PTPN11: variants seen among roughly 807,000 people sequenced by gnomAD.
The protein encoded by PTPN11 is protein tyrosine phosphatase non-receptor type 11.
PTPN11 carries 6 observed loss-of-function variants against 78.8 expected under a neutral mutation model. That is an observed-to-expected ratio of 0.08 (90% CI 0.04 to 0.15). The LOEUF is 0.15. Among genes scored for constraint, PTPN11 ranks in the 10% least tolerant of loss-of-function variants. The pLI is 1.00. For missense variants in PTPN11, 386 were observed against 744.8 expected, an observed-to-expected ratio of 0.52 and a Z score of 5.61; for synonymous variants, 221 against 263.5, an observed-to-expected ratio of 0.84 and a Z score of 1.56.
chr12:112,485,136 C>A (rs2038653852), intron 10 of PTPN11, among the ~76,000 whole-genome samples: 1 of 152,008 alleles, frequency 6.6e-6, no homozygotes, highest in Non-Finnish European at 1.5e-5. Context: ...GTAGTCCCAG[C>A]TACTCGGGAG....
rs1337770274 is a variant in PTPN11 at position 112,445,131 on chromosome 12, GTATTAT to G, written c.15-1137_15-1132del. The stretch of plus-strand genomic sequence containing the variant: ...CACATACCCCGAAGCATGTATTTCT[GTATTAT>G]TATTATTTTTTTGAGATGGAGTCTT... On this transcript the variant is annotated intron_variant, in intron 1 of 15. Coordinates refer to ENST00000351677, the MANE Select transcript of PTPN11 (RefSeq NM_002834.5). Among the ~76,000 whole-genome samples, 5 of 151,914 alleles carry G rather than the reference GTATTAT, an allele frequency of 3.3e-5. No homozygotes were observed. In the East Asian group the frequency reaches 5.8e-4, roughly 18 times the overall value.
intron 13 of PTPN11, among the ~76,000 whole-genome samples, chr12:112,492,880 T>C (rs185713263): frequency 1.3e-5 from 2 of 152,310 alleles, no homozygotes; most frequent in African/African-American, 4.8e-5. Context: ...GAAAAAATTA[T>C]TACTGTGGTA....
At chr12:112,476,474 C>T (rs1301330485) in intron 7 of PTPN11, among the ~76,000 whole-genome samples, 1 of 152,106 alleles carries the variant, frequency 6.6e-6, no homozygotes, top group Non-Finnish European at 1.5e-5. Flanking sequence ...TTATGCTTCA[C>T]TAAAAAATAC....
At chr12:112,500,511 T>A (rs1048260115) in intron 13 of PTPN11, among the ~76,000 whole-genome samples, 3 of 152,360 alleles carry the variant, frequency 2.0e-5, no homozygotes. Context: ...CCCTACACTA[T>A]AAGTTCTTAC....
intron 1 of PTPN11, among the ~76,000 whole-genome samples, chr12:112,436,371 T>G (rs1246353614): frequency 1.3e-5 from 2 of 152,188 alleles, no homozygotes; most frequent in Non-Finnish European, 2.9e-5. Context: ...AATTCTCATT[T>G]CCTATGAGGT....
chr12:112,449,420 T>C (rs1448439125), intron 2 of PTPN11, among the ~76,000 whole-genome samples: 1 of 151,644 alleles, frequency 6.6e-6, no homozygotes. Context: ...GGCAGGAGAA[T>C]GGTGTGAACC....
chr12:112,447,468 T>A (rs929843715), intron 2 of PTPN11, among the ~76,000 whole-genome samples: 16 of 151,986 alleles, frequency 1.1e-4, no homozygotes, highest in African/African-American at 3.9e-4. Context: ...AACTTAAAAA[T>A]TTTTTTTTGA....
At chr12:112,472,499 A>G (rs2038433727) in intron 6 of PTPN11, among the ~76,000 whole-genome samples, 1 of 147,644 alleles carries the variant, frequency 6.8e-6, no homozygotes, top group African/African-American at 2.5e-5. Flanking sequence ...TATTTTCAGC[A>G]TTTCTCCACA....
chr12:112,424,956 TTGTGTG>T (rs34463047), intron 1 of PTPN11, among the ~76,000 whole-genome samples: 6,018 of 88,014 alleles, frequency 0.068, 140 homozygotes, highest in East Asian at 0.19. Context: ...GTCAGGCTAA[TTGTGTG>T]TGTGTGTGTG....
intron 13 of PTPN11, among the ~76,000 whole-genome samples, chr12:112,497,959 C>T (rs1034901653): frequency 6.6e-6 from 1 of 152,012 alleles, no homozygotes; most frequent in Non-Finnish European, 1.5e-5. Context: ...TTGAGACTAG[C>T]CTGGGCAACA....
At chr12:112,446,007 G>A (rs1213249322) in intron 1 of PTPN11, among the ~76,000 whole-genome samples, 1 of 151,978 alleles carries the variant, frequency 6.6e-6, no homozygotes, top group Admixed American at 6.6e-5. Context: ...CTTGGGCCTG[G>A]CCCCCTCAGT....
At chr12:112,489,940 C>G (rs560524182) in intron 13 of PTPN11, among the ~76,000 whole-genome samples, 1 of 152,144 alleles carries the variant, frequency 6.6e-6, no homozygotes, top group African/African-American at 2.4e-5. Context: ...AGATTTCTAG[C>G]CTAGCAGAAC....
In PTPN11 at chr12:112,504,090, A is replaced by G. The variant is rs1266968717; in HGVS notation, c.1713-605A>G. Among the ~76,000 whole-genome samples the G allele has an allele frequency of 6.6e-6, 1 of 152,176 alleles. No homozygotes were observed. Among genetic ancestry groups the G allele is most frequent in the African/African-American group, 2.4e-5 (1 of 41,446 alleles). On this transcript the variant is annotated intron_variant, in intron 14 of 15. Coordinates refer to ENST00000351677, the MANE Select transcript of PTPN11 (RefSeq NM_002834.5). The surrounding 1 kb of genome is among the most constrained non-coding windows in gnomAD (Gnocchi z 4.7). ...GATTTCATTCTATGTGTGCATTTCC[A>G]ACCTTTCTTCACAGTGCGATCCAAA...
At chr12:112,472,874 C>A (rs2038440480) in intron 6 of PTPN11, 70 bp from the exon 7 acceptor site, 2 of 1,189,820 alleles carry the variant, frequency 1.7e-6, no homozygotes, top group Non-Finnish European at 2.5e-6. Context: ...AGAAGTAATG[C>A]TGATCCAGGC....
chr12:112,460,025 G>A (rs1261573525), intron 6 of PTPN11, among the ~76,000 whole-genome samples: 1 of 151,610 alleles, frequency 6.6e-6, no homozygotes, highest in Non-Finnish European at 1.5e-5. Context: ...TCAGCTCACT[G>A]CAACCTCCAC....
chr12:112,432,695 T>C (rs1594132543), intron 1 of PTPN11, among the ~76,000 whole-genome samples: 2 of 149,794 alleles, frequency 1.3e-5, no homozygotes, highest in African/African-American at 4.9e-5. Flanking sequence ...AAGAATATTA[T>C]GGGCCCAGCC....
At chr12:112,484,036 T>C (rs1409753454) in intron 10 of PTPN11, among the ~76,000 whole-genome samples, 6 of 150,470 alleles carry the variant, frequency 4.0e-5, no homozygotes, top group Non-Finnish European at 5.9e-5. Flanking sequence ...TTTTGCTCGA[T>C]AGAGGGACAT....
Position 112,482,346 on chromosome 12 carries a change from T to C in PTPN11, c.1224+141T>C. 1.0e-6 allele frequency: 1 copy of C among 989,480 alleles called. No homozygotes were observed. 61.3% of individuals were successfully genotyped at this position (989,480 alleles called of 1,614,324 possible). A position where few individuals can be genotyped will look rare whatever the true frequency, so the allele number is the denominator to read the frequency against. On this transcript the variant is annotated intron_variant, in intron 10 of 15. Coordinates refer to ENST00000351677, the MANE Select transcript of PTPN11 (RefSeq NM_002834.5). This position sits in a 1 kb window ranked among gnomAD's most constrained non-coding sequence, Gnocchi z 4.4. Reference sequence around the variant, plus strand: ...CAGTAGCCATTTATTAGCTTCCTTCTATGTGCCAGGTACAGTTTAAGCAGT... The same window carrying C: ...CAGTAGCCATTTATTAGCTTCCTTCCATGTGCCAGGTACAGTTTAAGCAGT...
In PTPN11 at chr12:112,482,265, G is replaced by A. The variant is rs547474915; in HGVS notation, c.1224+60G>A. ...ACTGTTGATGGTGTGTAGGAATTCA[G>A]GGTCTTGCCGTTACTCATGTTTGCA... On this transcript the variant is annotated intron_variant, in intron 10 of 15. Transcript: ENST00000351677. This position sits in a 1 kb window ranked among gnomAD's most constrained non-coding sequence, Gnocchi z 4.4. 4.5e-5 allele frequency: 70 copies of A among 1,570,282 alleles called. No homozygotes were observed. The African/African-American group carries it at 9.3e-4, about 21-fold the overall frequency.
Sources: gnomAD v4.1 joint callset for allele counts (sites outside exome capture counted in the v4.1 genomes callset) on GRCh38, gnomAD v4.1.1 for gene constraint, Gnocchi (gnomAD v3.1) non-coding constraint, MANE v1.5 for transcripts, NCBI Gene and HGNC (gene_info 2026-07-23, HGNC 2026-07-21) for gene names.